Variants in FIRRM observed in about 807,000 individuals in gnomAD.
The protein encoded by FIRRM is FIGNL1-interacting regulator of recombination and mitosis.
the FIRRM span, chr1:169,796,113 C>G: frequency 3.6e-5 from 13 of 357,990 alleles, no homozygotes; most frequent in Non-Finnish European, 5.1e-5. Flanking sequence ...CAGCTAAAGC[C>G]CTATGTAATC....
the FIRRM span, among the ~76,000 whole-genome samples, chr1:169,828,184 C>A: frequency 6.6e-6 from 1 of 152,150 alleles, no homozygotes; most frequent in Admixed American, 6.5e-5. Context: ...TATATCCTGG[C>A]AAATTTAACC....
chr1:169,801,032 T>C, the FIRRM span: 3 of 781,854 alleles, frequency 3.8e-6, no homozygotes, highest in Non-Finnish European at 6.4e-6. Context: ...CTTAGATGAT[T>C]TATTATTAAT....
the FIRRM span, chr1:169,849,486 C>A: frequency 1.3e-6 from 2 of 1,589,508 alleles, no homozygotes; most frequent in Non-Finnish European, 1.7e-6. Context: ...TATAATAAGG[C>A]TTGGTTCTTT....
the FIRRM span, chr1:169,784,829 TACAAC>T: frequency 1.3e-5 from 2 of 152,200 alleles, no homozygotes; most frequent in Non-Finnish European, 2.9e-5. Context: ...TGAGTTACTA[TACAAC>T]ACAAGAGTAA....
chr1:169,801,445 C>CAAAAA, the FIRRM span, among the ~76,000 whole-genome samples: 11 of 61,668 alleles, frequency 1.8e-4, no homozygotes, highest in East Asian at 8.4e-4. Flanking sequence ...TGCTCCGTCT[C>CAAAAA]AAAAAAAAAA....
At chr1:169,841,918 C>A in the FIRRM span, among the ~76,000 whole-genome samples, 6 of 152,032 alleles carry the variant, frequency 3.9e-5, no homozygotes, top group Admixed American at 3.9e-4. Flanking sequence ...TGGCTCATGC[C>A]TGTAATCCTA....
At chr1:169,793,610 G>A in the FIRRM span, 1 of 1,614,160 alleles carries the variant, frequency 6.2e-7, no homozygotes, top group Non-Finnish European at 8.5e-7. Context: ...CTCTTTTGAG[G>A]AATCCAGGGT....
chr1:169,853,178 G>T, the FIRRM span: 99 of 606,382 alleles, frequency 1.6e-4, no homozygotes, highest in Non-Finnish European at 2.4e-4. Context: ...TACTACATGT[G>T]GAACAGTCAG....
the FIRRM span, among the ~76,000 whole-genome samples, chr1:169,829,843 A>G: frequency 6.6e-6 from 1 of 152,218 alleles, no homozygotes; most frequent in East Asian, 1.9e-4. Context: ...GATACTTGTA[A>G]TATCTGAAAT....
the FIRRM span, among the ~76,000 whole-genome samples, chr1:169,833,991 G>T: frequency 2.6e-5 from 4 of 151,436 alleles, no homozygotes; most frequent in East Asian, 7.8e-4. Flanking sequence ...GAGCTCAGCT[G>T]TCACTTTCCT....
the FIRRM span, chr1:169,823,338 CT>C: frequency 1.2e-6 from 1 of 854,162 alleles, no homozygotes; most frequent in Admixed American, 2.5e-5. Flanking sequence ...TTTTGCATAC[CT>C]TTGTGAGATT....
the FIRRM span, among the ~76,000 whole-genome samples, chr1:169,800,707 CTT>C: frequency 9.4e-6 from 1 of 105,838 alleles, no homozygotes; most frequent in African/African-American, 4.5e-5. Context: ...AGGTCGTTTC[CTT>C]TCTCTCTTTT....
the FIRRM span, among the ~76,000 whole-genome samples, chr1:169,802,242 TA>T: frequency 6.6e-6 from 1 of 152,154 alleles, no homozygotes; most frequent in African/African-American, 2.4e-5. Context: ...TTCCAGAAAA[TA>T]CCCTTGTAAA....
the FIRRM span, chr1:169,806,215 G>A: frequency 9.8e-6 from 6 of 610,640 alleles, no homozygotes; most frequent in East Asian, 1.8e-4. Flanking sequence ...TGACACTGCT[G>A]TCTGATAATC....
At chr1:169,802,495 A>G in the FIRRM span, 1 of 585,318 alleles carries the variant, frequency 1.7e-6, no homozygotes, top group Non-Finnish European at 3.0e-6. Flanking sequence ...GTTAAGCTAG[A>G]TGATAGCCTG....
chr1:169,853,712 G>C, the FIRRM span: 1 of 1,613,152 alleles, frequency 6.2e-7, no homozygotes, highest in Non-Finnish European at 8.5e-7. Flanking sequence ...CACATCTATT[G>C]TCACCAGTTA....
At chr1:169,854,079 A>G in the FIRRM span, 1 of 590,762 alleles carries the variant, frequency 1.7e-6, no homozygotes, top group Admixed American at 3.4e-5. Context: ...TCATTAAACA[A>G]ACTAAGCATT....
the FIRRM span, among the ~76,000 whole-genome samples, chr1:169,847,406 A>T: frequency 2.0e-5 from 3 of 151,340 alleles, no homozygotes; most frequent in African/African-American, 7.3e-5. Flanking sequence ...ATATGTTTTA[A>T]AGGTTTGGTA....
chr1:169,848,871 C>G, the FIRRM span, among the ~76,000 whole-genome samples: 3 of 152,188 alleles, frequency 2.0e-5, no homozygotes, highest in Non-Finnish European at 4.4e-5. Context: ...TTTTGAGATT[C>G]ATCAGAACAT....
Sources: allele counts gnomAD v4.1 joint callset (sites outside exome capture counted in the v4.1 genomes callset), GRCh38; gene constraint gnomAD v4.1.1; transcripts MANE v1.5; gene names NCBI Gene and HGNC (gene_info 2026-07-23, HGNC 2026-07-21).